The following NACC1 variants were observed in gnomAD, a reference collection of about 807,000 sequenced individuals.
NACC1 encodes the protein nucleus accumbens-associated protein 1.
Under a neutral mutation model 41.7 loss-of-function variants are expected in NACC1, and 6 were observed. The ratio of observed to expected loss-of-function variants is 0.14; its 90% CI spans 0.08 to 0.28. NACC1 has a LOEUF of 0.28. Ranked by LOEUF, NACC1 falls within the 10% of genes least tolerant of loss-of-function variation. The pLI is 1.00. For synonymous variants in NACC1, 338 were observed against 330.6 expected, an observed-to-expected ratio of 1.02 and a Z score of -0.24; for missense variants, 434 against 763.7, an observed-to-expected ratio of 0.57 and a Z score of 5.09.
intron 1 of NACC1, among the ~76,000 whole-genome samples, chr19:13,129,316 G>A (rs962879179): frequency 7.2e-5 from 11 of 152,092 alleles, no homozygotes; most frequent in Admixed American, 5.9e-4. Context: ...CCCTGCTAGG[G>A]ACCTGCCAGC....
chr19:13,138,279 A>T lies in NACC1; in HGVS notation c.1457A>T (p.Asp486Val). 2 of 1,614,162 alleles carry T rather than the reference A, an allele frequency of 1.2e-6. No individual in the cohort carries two copies. Among genetic ancestry groups the T allele is most frequent in the Non-Finnish European group, 1.7e-6 (2 of 1,180,024 alleles). The change falls in exon 6 of 6, where the codon GAT becomes GTT. Residue 486 changes from aspartate (D) to valine (V), a missense_variant. This residue lies in a region of NACC1 where 63 missense variants were observed against 68.4 expected (regional missense o/e 0.92). Transcript: ENST00000292431. The surrounding 1 kb of genome is among the most constrained non-coding windows in gnomAD (Gnocchi z 5.7). The part of the protein sequence containing the change: ...MPKVKVLKAE[D>V]DAYTTFISET... ...AAGGTCAAGGTGCTCAAGGCTGAGG[A>T]TGACGCCTACACCACCTTCATCAGT...
Position 13,138,309 on chromosome 19 carries a change from CG to C in NACC1, c.1490del (p.Gly497AlafsTer7). ...DDAYTTFISE[T>X]GKIEPDMMGV... is the part of the protein sequence containing the mutation. Reference sequence around the variant, plus strand: ...GCCTACACCACCTTCATCAGTGAAACGGGCAAGATCGAGCCGGACATGATGG... The same window carrying C: ...GCCTACACCACCTTCATCAGTGAAACGGCAAGATCGAGCCGGACATGATGG... On this transcript the variant is annotated frameshift_variant, in exon 6 of 6. Transcript: ENST00000292431. LOFTEE classifies it high-confidence loss of function. This position sits in a 1 kb window ranked among gnomAD's most constrained non-coding sequence, Gnocchi z 5.7. 6.2e-7 allele frequency: 1 copy of C among 1,614,168 alleles called. No homozygotes were observed. The highest frequency in any genetic ancestry group is 8.5e-7 in the Non-Finnish European group (1 of 1,180,036).
chr19:13,134,415 G>C (rs1391862689), intron 1 of NACC1, among the ~76,000 whole-genome samples: 1 of 150,678 alleles, frequency 6.6e-6, no homozygotes, highest in Middle Eastern at 3.2e-3. Flanking sequence ...CTATGCCCCA[G>C]GCTGAAGTGC....
Position 13,138,476 on chromosome 19 carries a change from T to C in NACC1, c.*70T>C, listed in dbSNP as rs562548002. The C allele has an allele frequency of 1.3e-5, 20 of 1,572,764 alleles. No individual in the cohort carries two copies. The African/African-American group carries it at 2.4e-4, about 19-fold the overall frequency. ...ACACACACACCTGCCATCTTGGTCA[T>C]GAGCTACTGTCTGTCCCTCCCCAGG... On this transcript the variant is annotated 3_prime_UTR_variant, in exon 6 of 6. Coordinates refer to ENST00000292431, the MANE Select transcript of NACC1 (RefSeq NM_052876.4). This position sits in a 1 kb window ranked among gnomAD's most constrained non-coding sequence, Gnocchi z 5.7.
intron 1 of NACC1, among the ~76,000 whole-genome samples, chr19:13,126,196 A>T (rs2019559676): frequency 6.6e-6 from 1 of 150,444 alleles, no homozygotes; most frequent in Non-Finnish European, 1.5e-5. Flanking sequence ...GGCACGTACC[A>T]CTGTGCCTGG....
upstream of NACC1, chr19:13,117,460 T>C (rs528515868): frequency 6.6e-6 from 1 of 152,372 alleles, no homozygotes; most frequent in South Asian, 2.1e-4. Context: ...TTGTCGCTTT[T>C]GAGCCTGTGT....
rs892690735 is a variant in NACC1 at position 13,118,295 on chromosome 19, T to C, written c.-168T>C. 6 of 147,554 alleles carry C rather than the reference T, an allele frequency of 4.1e-5. No individual in the cohort carries two copies. Among genetic ancestry groups the C allele is most frequent in the Non-Finnish European group, 6.0e-5 (4 of 66,290 alleles). 9.1% of individuals were successfully genotyped at this position (147,554 alleles called of 1,614,324 possible). On this transcript the variant is annotated 5_prime_UTR_variant, in exon 1 of 6. The change abolishes an upstream ATG in the 5' untranslated region. Coordinates refer to ENST00000292431, the MANE Select transcript of NACC1 (RefSeq NM_052876.4). ...CTGGGGCGGCCTGGCCCACAATGAATGGCCGCCGCGGCTGCCGCTGCTGCT... is the reference window on the plus strand; with the variant it reads ...CTGGGGCGGCCTGGCCCACAATGAACGGCCGCCGCGGCTGCCGCTGCTGCT...
At chr19:13,121,673 G>A (rs1403059578) in intron 1 of NACC1, among the ~76,000 whole-genome samples, 3 of 152,158 alleles carry the variant, frequency 2.0e-5, no homozygotes, top group Non-Finnish European at 4.4e-5. Flanking sequence ...TGGAGAGAGG[G>A]ATCCCATCAG....
chr19:13,125,044 C>A (rs952853408), intron 1 of NACC1, among the ~76,000 whole-genome samples: 4 of 152,120 alleles, frequency 2.6e-5, no homozygotes, highest in Non-Finnish European at 5.9e-5. Flanking sequence ...ATCCCTAGTC[C>A]CAGCTACTCA....
intron 1 of NACC1, among the ~76,000 whole-genome samples, chr19:13,127,376 T>C (rs2019577236): frequency 8.8e-6 from 1 of 113,824 alleles, no homozygotes; most frequent in Non-Finnish European, 1.7e-5. Context: ...ATATACTTTT[T>C]TTTTTTTTTT....
Position 13,119,598 on chromosome 19 carries a change from C to T in NACC1, c.-9+1144C>T, listed in dbSNP as rs931326966. 6.6e-5 allele frequency among the ~76,000 whole-genome samples: 10 copies of T among 152,294 alleles called. No homozygotes were observed. In the South Asian group the frequency reaches 1.9e-3, roughly 28 times the overall value. On this transcript the variant is annotated intron_variant, in intron 1 of 5. Transcript: ENST00000292431. ...ACCATCGTATATATTAGTACCATGG[C>T]CTCCCAGGCACCAACTCCTTGAGCC...
chr19:13,122,687 G>C (rs1242516964), intron 1 of NACC1, among the ~76,000 whole-genome samples: 2 of 152,200 alleles, frequency 1.3e-5, no homozygotes, highest in African/African-American at 4.8e-5. Flanking sequence ...AGGTTTGCGG[G>C]AGAGGTTGGC....
intron 1 of NACC1, among the ~76,000 whole-genome samples, chr19:13,123,072 A>G (rs2019519290): frequency 6.6e-6 from 1 of 152,140 alleles, no homozygotes. Flanking sequence ...GTACAATAGT[A>G]GGATTCAAAA....
In NACC1 at chr19:13,137,963, C is replaced by G. The variant is rs1310838259; in HGVS notation, c.1325-184C>G. 1.3e-5 allele frequency among the ~76,000 whole-genome samples: 2 copies of G among 152,234 alleles called. No individual in the cohort carries two copies. The highest frequency in any genetic ancestry group is 1.3e-4 in the Admixed American group (2 of 15,280). On this transcript the variant is annotated intron_variant, in intron 5 of 5. Coordinates refer to ENST00000292431, the MANE Select transcript of NACC1 (RefSeq NM_052876.4). This position sits in a 1 kb window ranked among gnomAD's most constrained non-coding sequence, Gnocchi z 6.1. ...GGCCATCCCATCAAAACCAACACAT[C>G]CCCACACATGGCTGAACTCAGTCCG... is the stretch of plus-strand genomic sequence containing the variant.
At chr19:13,135,177 A>G in intron 1 of NACC1, 23 bp from the exon 2 acceptor site, 2 of 1,543,318 alleles carry the variant, frequency 1.3e-6, no homozygotes, top group Non-Finnish European at 1.7e-6. Context: ...CTGTCTCTCC[A>G]TTCCTCCCTG....
intron 1 of NACC1, among the ~76,000 whole-genome samples, chr19:13,124,336 G>A (rs927881175): frequency 4.6e-5 from 7 of 152,074 alleles, no homozygotes; most frequent in African/African-American, 1.7e-4. Flanking sequence ...GGAGGCGGAG[G>A]TTGCAGTTAG....
rs1177505498 is a variant in NACC1, at chr19:13,136,252, C to G, written c.967C>G (p.Pro323Ala). 1 of 1,613,430 alleles carries G rather than the reference C, an allele frequency of 6.2e-7. No homozygotes were observed. Among genetic ancestry groups the G allele is most frequent in the South Asian group, 1.1e-5 (1 of 90,996 alleles). Residue 323 changes from proline (P) to alanine (A), a missense_variant, in exon 3 of 6, where the codon CCG becomes GCG. Physicochemically the swap from Pro to Ala is conservative, Grantham distance 27. Coordinates refer to ENST00000292431, the MANE Select transcript of NACC1 (RefSeq NM_052876.4). The surrounding 1 kb of genome is among the most constrained non-coding windows in gnomAD (Gnocchi z 5.5). ...TGCAGCCGAGAAGGTGGAGGCCCTC[C>G]CGGAGCAGGTAGCCCCCGAGTCCCG... Reference protein sequence around the residue: ...GQTAEKVEALPEQVAPESRNR... With the variant: ...GQTAEKVEALAEQVAPESRNR...
rs908742709 is a variant in NACC1 at position 13,136,974 on chromosome 19, C to T, written c.1121-297C>T. On this transcript the variant is annotated intron_variant, in intron 3 of 5. Transcript: ENST00000292431. This position sits in a 1 kb window ranked among gnomAD's most constrained non-coding sequence, Gnocchi z 5.5. ...CTCATCTCTAGCTGGTGACAGCCAG[C>T]GTGCCCACCTCACACAGGCTTGCGG... Among the ~76,000 whole-genome samples, 51 of 152,346 alleles carry T rather than the reference C, an allele frequency of 3.3e-4. 1 individual carries two copies. Among genetic ancestry groups the T allele is most frequent in the African/African-American group, 1.2e-3 (49 of 41,572 alleles).
chr19:13,138,865 AC>A lies in NACC1; in HGVS notation c.*460del, dbSNP rs2019745654. The A allele has an allele frequency of 6.1e-6, 1 of 164,516 alleles. No individual in the cohort carries two copies. Among genetic ancestry groups the A allele is most frequent in the African/African-American group, 2.4e-5 (1 of 41,700 alleles). The allele number at this position is 164,516 out of a possible 1,614,324, so 10.2% of individuals were successfully genotyped here. A position where few individuals can be genotyped will look rare whatever the true frequency, so the allele number is the denominator to read the frequency against. On this transcript the variant is annotated 3_prime_UTR_variant, in exon 6 of 6. Coordinates refer to ENST00000292431, the MANE Select transcript of NACC1 (RefSeq NM_052876.4). The surrounding 1 kb of genome is among the most constrained non-coding windows in gnomAD (Gnocchi z 5.7). ...CCTCCCACCACCTCCCAGTGCTTCC[AC>A]GTCTCCAAAAGCGCCTTCCTGTCAC... is the stretch of plus-strand genomic sequence containing the variant.
Sources: allele counts gnomAD v4.1 joint callset (sites outside exome capture counted in the v4.1 genomes callset), GRCh38; gene constraint gnomAD v4.1.1; regional missense constraint gnomAD v4.1.1; non-coding constraint Gnocchi (gnomAD v3.1); transcripts MANE v1.5; gene names NCBI Gene and HGNC (gene_info 2026-07-23, HGNC 2026-07-21).